EIF5A: variants seen among roughly 807,000 people sequenced by gnomAD.
EIF5A encodes eukaryotic translation initiation factor 5A-1.
In EIF5A, 1 loss-of-function variant was observed where a neutral mutation model predicts 16.6. That is an observed-to-expected ratio of 0.06 (90% confidence interval 0.02 to 0.28). The LOEUF (loss-of-function observed/expected upper bound fraction) is 0.28, where lower values mean the gene tolerates loss of function less well. Ranked by LOEUF, EIF5A falls within the 10% of genes least tolerant of loss-of-function variation. The pLI is 1.00. For missense variants in EIF5A, 29 were observed against 196.1 expected (o/e 0.15, Z 5.09); for synonymous variants, 80 against 73.6 (o/e 1.09, Z -0.44).
intron 1 of EIF5A, 76 bp from the exon 2 acceptor site, chr17:7,309,539 C>T: frequency 6.4e-7 from 1 of 1,570,494 alleles, no homozygotes; most frequent in Non-Finnish European, 8.6e-7. Context: ...GAAAATGTTT[C>T]TGGAGAGAAA....
In EIF5A at chr17:7,311,921, CAA is replaced by C; in HGVS notation, c.*112_*113del. The C allele has an allele frequency of 1.8e-6, 1 of 548,096 alleles. No homozygotes were observed. Among genetic ancestry groups the C allele is most frequent in the Non-Finnish European group, 3.3e-6 (1 of 299,618 alleles). 34.0% of individuals were successfully genotyped at this position (548,096 alleles called of 1,614,324 possible). On this transcript the variant is annotated 3_prime_UTR_variant, in exon 6 of 6. Transcript: ENST00000336458. ...GGTCCTAAGCTGGACTCCTCCTACA[CAA>C]TTTATTTGACGTTTTATTTTGGTTT... is the stretch of plus-strand genomic sequence containing the variant.
At chr17:7,309,182 T>TCCC (rs60872664) in intron 1 of EIF5A, among the ~76,000 whole-genome samples, 15 of 133,524 alleles carry the variant, frequency 1.1e-4, no homozygotes, top group Non-Finnish European at 1.8e-4. Flanking sequence ...GTCTCCACCC[T>TCCC]CCCCCCCCCC....
Position 7,307,722 on chromosome 17 carries a change from G to C in EIF5A, c.-52G>C, listed in dbSNP as rs1271396045. The C allele has an allele frequency of 8.7e-6, 9 of 1,039,584 alleles. No homozygotes were observed. Among genetic ancestry groups the C allele is most frequent in the Non-Finnish European group, 1.0e-5 (9 of 866,216 alleles). The allele number at this position is 1,039,584 out of a possible 1,614,324, so 64.4% of individuals were successfully genotyped here. ...GGCAGCGGTTGGGCTCGCGGCGAGC[G>C]GACGGGGTCGAGTCAGTGCGTTCGC... is the stretch of plus-strand genomic sequence containing the variant. On this transcript the variant is annotated 5_prime_UTR_variant, in exon 1 of 6. Coordinates refer to ENST00000336458, the MANE Select transcript of EIF5A (RefSeq NM_001970.5).
intron 1 of EIF5A, among the ~76,000 whole-genome samples, chr17:7,308,964 C>A (rs1189658088): frequency 2.0e-5 from 3 of 152,226 alleles, no homozygotes; most frequent in Non-Finnish European, 2.9e-5. Context: ...GGCTGGGTTC[C>A]TGGGTTCTCT....
intron 2 of EIF5A, chr17:7,310,255 TC>T (rs1344431669): frequency 7.8e-7 from 1 of 1,289,500 alleles, no homozygotes; most frequent in Non-Finnish European, 1.0e-6. Context: ...GCTGCTTCGT[TC>T]CCCAGTTCTA....
upstream of EIF5A, chr17:7,307,408 G>A (rs1286066821): frequency 1.7e-6 from 2 of 1,162,098 alleles, no homozygotes; most frequent in African/African-American, 1.6e-5. Flanking sequence ...TTAAAAAACC[G>A]GGTGCGCCTG....
upstream of EIF5A, chr17:7,307,006 T>C (rs746918051): frequency 3.9e-6 from 6 of 1,544,760 alleles, no homozygotes; most frequent in East Asian, 9.6e-5. Context: ...CCGACCACAC[T>C]AGCGCGCTAG....
intron 1 of EIF5A, chr17:7,308,538 T>G: frequency 7.4e-7 from 1 of 1,351,714 alleles, no homozygotes; most frequent in Middle Eastern, 2.1e-4. Context: ...GGAGCTTTCC[T>G]GAAAAACCCT....
At chr17:7,307,250 T>C, upstream of EIF5A, 1 of 1,213,304 alleles carries the variant, frequency 8.2e-7, no homozygotes, top group East Asian at 2.6e-5. Context: ...TGGAAGGGGT[T>C]GTTTAGGATT....
At chr17:7,310,504 G>C in intron 2 of EIF5A, 1 of 1,166,770 alleles carries the variant, frequency 8.6e-7, no homozygotes, top group Non-Finnish European at 1.1e-6. Flanking sequence ...CATTGATCTT[G>C]GATTATTCTC....
rs60545463 is a variant in EIF5A at position 7,312,129 on chromosome 17, T to TTTTTCTTA, written c.*319_*320insTTTTCTTA. On this transcript the variant is annotated 3_prime_UTR_variant, in exon 6 of 6. Transcript: ENST00000336458. ...TTAGTCTTTTTTTTTTTTTTTTTTT[T>TTTTTCTTA]AATTCAATCTGGAATCAGAAAGCGG... The TTTTTCTTA allele has an allele frequency of 6.9e-6, 1 of 145,320 alleles. No homozygotes were observed. The highest frequency in any genetic ancestry group is 1.5e-5 in the Non-Finnish European group (1 of 65,088). The allele number at this position is 145,320 out of a possible 1,614,324, so 9.0% of individuals were successfully genotyped here. A position where few individuals can be genotyped will look rare whatever the true frequency, so the allele number is the denominator to read the frequency against.
chr17:7,311,806 T>A lies in EIF5A; in HGVS notation c.*12-16T>A. On this transcript the variant is annotated splice_polypyrimidine_tract_variant and intron_variant, in intron 5 of 5. Coordinates refer to ENST00000336458, the MANE Select transcript of EIF5A (RefSeq NM_001970.5). ...AAGGTATTATCCTGTCTTACTAATT[T>A]CTCTCTCCTACCTAGGGTGGCGGTG... The A allele has an allele frequency of 9.5e-7, 1 of 1,057,270 alleles. No homozygotes were observed. Among genetic ancestry groups the A allele is most frequent in the Non-Finnish European group, 1.4e-6 (1 of 721,178 alleles). The allele number at this position is 1,057,270 out of a possible 1,614,324, so 65.5% of individuals were successfully genotyped here.
At chr17:7,310,769 C>G (rs374116830) in intron 2 of EIF5A, 6 of 985,434 alleles carry the variant, frequency 6.1e-6, no homozygotes, top group Middle Eastern at 5.2e-4. Context: ...AGGTAACTGT[C>G]TTCTCCAAGC....
intron 1 of EIF5A, among the ~76,000 whole-genome samples, chr17:7,309,188 C>A (rs182312050): frequency 6.6e-6 from 1 of 151,852 alleles, no homozygotes; most frequent in Non-Finnish European, 1.5e-5. Context: ...ACCCTCCCCC[C>A]CCCCAATTAG....
At chr17:7,309,931 C>T in intron 2 of EIF5A, 131 bp downstream of exon 2, 5 of 1,578,698 alleles carry the variant, frequency 3.2e-6, no homozygotes, top group Non-Finnish European at 4.3e-6. Context: ...TTGTTTAGCG[C>T]TCAGCCTTCA....
chr17:7,307,195 G>A (rs925367404), upstream of EIF5A: 6 of 1,455,934 alleles, frequency 4.1e-6, no homozygotes, highest in African/African-American at 2.8e-5. Context: ...AAGTGATCTA[G>A]CGGCGTGGTC....
intron 1 of EIF5A, chr17:7,308,225 G>A (rs2072689595): frequency 3.9e-6 from 4 of 1,025,100 alleles, no homozygotes; most frequent in Non-Finnish European, 4.8e-6. Context: ...GGAGGGGGCG[G>A]CCGCGGCACC....
Position 7,308,490 on chromosome 17 carries a change from C to T in EIF5A, c.-22+738C>T, listed in dbSNP as rs748518188. The T allele has an allele frequency of 1.3e-5, 17 of 1,350,148 alleles. No individual in the cohort carries two copies. In the Admixed American group the frequency reaches 2.7e-4, roughly 21 times the overall value. 83.6% of individuals were successfully genotyped at this position (1,350,148 alleles called of 1,614,324 possible). ...CCTAATCACCCCGGAGGGCCTGCTG[C>T]AGGCATATGTTAGCGCTTCCCAACC... On this transcript the variant is annotated intron_variant, in intron 1 of 5. Transcript: ENST00000336458.
Position 7,312,115 on chromosome 17 carries a change from T to TTTTTTG in EIF5A, c.*310_*311insGTTTTT, listed in dbSNP as rs2072848776. The TTTTTTG allele has an allele frequency of 6.9e-6, 1 of 145,516 alleles. No homozygotes were observed. The highest frequency in any genetic ancestry group is 1.6e-5 in the Non-Finnish European group (1 of 62,570). The allele number at this position is 145,516 out of a possible 1,614,324, so 9.0% of individuals were successfully genotyped here. On this transcript the variant is annotated 3_prime_UTR_variant, in exon 6 of 6. Transcript: ENST00000336458. ...GTGCTGCTTGTGGTTTAGTCTTTTT[T>TTTTTTG]TTTTTTTTTTTTTTAATTCAATCTG...
Sources: gnomAD v4.1 joint callset for allele counts (sites outside exome capture counted in the v4.1 genomes callset) on GRCh38, gnomAD v4.1.1 for gene constraint, MANE v1.5 for transcripts, NCBI Gene and HGNC (gene_info 2026-07-23, HGNC 2026-07-21) for gene names.